SPRYD3: variants seen among roughly 807,000 people sequenced by gnomAD.
The protein encoded by SPRYD3 is SPRY domain-containing protein 3.
In SPRYD3, 17 loss-of-function variants were observed where a neutral mutation model predicts 50.1. That is an observed-to-expected ratio of 0.34 (90% CI 0.23 to 0.51). SPRYD3 has a LOEUF of 0.51. Among genes scored for constraint, SPRYD3 ranks in the 20% least tolerant of loss-of-function variants. The pLI is 0.97. For missense variants in SPRYD3, 401 were observed against 591.2 expected, an observed-to-expected ratio of 0.68 and a Z score of 3.34; for synonymous variants, 198 against 215.5, an observed-to-expected ratio of 0.92 and a Z score of 0.71.
intron 6 of SPRYD3, among the ~76,000 whole-genome samples, chr12:53,072,902 CA>C (rs574505064): frequency 3.0e-4 from 45 of 152,314 alleles, no homozygotes; most frequent in African/African-American, 9.4e-4. Context: ...ACCTGCCCCA[CA>C]ACACTTTGAA....
intron 6 of SPRYD3, 57 bp downstream of exon 6, chr12:53,073,229 G>A (rs1201503009): frequency 2.6e-6 from 3 of 1,136,742 alleles, no homozygotes; most frequent in Non-Finnish European, 3.8e-6. Flanking sequence ...GTGCCCACAG[G>A]TGTTCTGCCC....
chr12:53,077,332 G>A (rs138392611), intron 1 of SPRYD3, 71 bp from the exon 2 acceptor site: 1 of 1,547,160 alleles, frequency 6.5e-7, no homozygotes, highest in Admixed American at 1.8e-5. Flanking sequence ...CTGTGACCCA[G>A]AAGGTAGAGA....
At position 53,065,288 on chromosome 12, in the gene SPRYD3, C is replaced by T. The variant is rs1484638619; in HGVS notation, c.*544G>A. 1 of 152,932 alleles carries T rather than the reference C, an allele frequency of 6.5e-6. No individual in the cohort carries two copies. Among genetic ancestry groups the T allele is most frequent in the Non-Finnish European group, 1.5e-5 (1 of 68,322 alleles). The allele number at this position is 152,932 out of a possible 1,614,324, so 9.5% of individuals were successfully genotyped here. On this transcript the variant is annotated 3_prime_UTR_variant, in exon 11 of 11. Transcript: ENST00000301463. Reference sequence around the variant, plus strand: ...AAGATGGAGAGCCTAGAGGAGTCTTCCTGGGGCAGCAGCCAGTGAAAGGAC... The same window carrying T: ...AAGATGGAGAGCCTAGAGGAGTCTTTCTGGGGCAGCAGCCAGTGAAAGGAC...
At chr12:53,073,556 T>C in intron 5 of SPRYD3, 85 bp from the exon 6 acceptor site, 2 of 1,186,726 alleles carry the variant, frequency 1.7e-6, no homozygotes, top group Non-Finnish European at 2.3e-6. Context: ...TTTAAGATGA[T>C]GCAACCAGCC....
chr12:53,071,607 C>G (rs1944550043), intron 6 of SPRYD3, among the ~76,000 whole-genome samples: 1 of 151,808 alleles, frequency 6.6e-6, no homozygotes, highest in Non-Finnish European at 1.5e-5. Context: ...GGCAGTGGCT[C>G]ATGCCTCTAA....
At chr12:53,073,206 C>T in intron 6 of SPRYD3, 80 bp downstream of exon 6, 1 of 942,160 alleles carries the variant, frequency 1.1e-6, no homozygotes, top group Non-Finnish European at 1.6e-6. Context: ...CCCAGCAATT[C>T]AGACATGACC....
chr12:53,076,030 G>A (rs1365492272), intron 2 of SPRYD3, among the ~76,000 whole-genome samples: 1 of 152,210 alleles, frequency 6.6e-6, no homozygotes, highest in African/African-American at 2.4e-5. Context: ...TACCAGACCA[G>A]TGCAAGCCTG....
At chr12:53,075,561 A>G (rs1592266755) in intron 3 of SPRYD3, among the ~76,000 whole-genome samples, 175 bp downstream of exon 3, 1 of 152,050 alleles carries the variant, frequency 6.6e-6, no homozygotes, top group Non-Finnish European at 1.5e-5. Flanking sequence ...TTTCCAGGGC[A>G]CCTATCTCTC....
intron 6 of SPRYD3, among the ~76,000 whole-genome samples, chr12:53,071,238 C>G (rs1944547703): frequency 6.6e-6 from 1 of 152,292 alleles, no homozygotes; most frequent in South Asian, 2.1e-4. Context: ...GGGGAGGACC[C>G]CTGGGAGGGC....
In SPRYD3 at chr12:53,074,738, T is replaced by C. The variant is rs1183936655; in HGVS notation, c.418A>G (p.Asn140Asp). ...AKGRQFGSKC[N>D]SGDRIGCGIE... ...CCACAGCCAATCCGGTCCCCGGAGT[T>C]GCACTTTGACCCAAACTGGCGGCCC... Residue 140 changes from asparagine to aspartate, a missense_variant, in exon 5 of 11, where the codon AAC becomes GAC. Transcript: ENST00000301463. The surrounding 1 kb of genome is among the most constrained non-coding windows in gnomAD (Gnocchi z 4.6). 1 of 1,614,270 alleles carries C rather than the reference T, an allele frequency of 6.2e-7. No homozygotes were observed.
In SPRYD3 at chr12:53,075,194, C is replaced by T. The variant is rs199614009; in HGVS notation, c.272G>A (p.Arg91Gln). ...FEVSIVDSGV[R>Q]GTIAVGLVPQ... ...GACCAGCCCCACAGCAATGGTGCCC[C>T]GGACTCCACTGTCCACAATAGACAC... is the stretch of plus-strand genomic sequence containing the variant. The change falls in exon 4 of 11, where the codon CGG becomes CAG. Residue 91 changes from arginine (R) to glutamine (Q), a missense_variant. Arg to Gln is a conservative substitution (Grantham distance 43, BLOSUM62 1). Transcript: ENST00000301463. The T allele has an allele frequency of 9.3e-6, 15 of 1,612,930 alleles. No individual in the cohort carries two copies. Among genetic ancestry groups the T allele is most frequent in the African/African-American group, 2.7e-5 (2 of 74,852 alleles).
chr12:53,071,356 C>T (rs1040119937), intron 6 of SPRYD3, among the ~76,000 whole-genome samples: 2 of 152,196 alleles, frequency 1.3e-5, no homozygotes, highest in East Asian at 1.9e-4. Context: ...TCTAATCCCC[C>T]AGCTGTTACC....
intron 6 of SPRYD3, among the ~76,000 whole-genome samples, chr12:53,069,518 G>A (rs1358429431): frequency 6.6e-6 from 1 of 152,224 alleles, no homozygotes; most frequent in African/African-American, 2.4e-5. Context: ...AGAGCGGGGT[G>A]CTACTAACCC....
intron 1 of SPRYD3, chr12:53,078,187 A>AG: frequency 4.9e-6 from 2 of 411,320 alleles, no homozygotes; most frequent in South Asian, 1.7e-5. Context: ...TCAAAAAAAA[A>AG]AGAAAAAAAA....
chr12:53,065,548 A>C lies in SPRYD3; in HGVS notation c.*284T>G. 2.7e-6 allele frequency: 1 copy of C among 376,584 alleles called. No individual in the cohort carries two copies. Among genetic ancestry groups the C allele is most frequent in the Non-Finnish European group, 4.9e-6 (1 of 205,064 alleles). The allele number at this position is 376,584 out of a possible 1,614,324, so 23.3% of individuals were successfully genotyped here. ...CCGGTGAGGGAAAGGGGGACCCAGA[A>C]GCCCACTGACCAAAGCGAGTGGGAC... On this transcript the variant is annotated 3_prime_UTR_variant, in exon 11 of 11. Coordinates refer to ENST00000301463, the MANE Select transcript of SPRYD3 (RefSeq NM_032840.3).
At chr12:53,078,934 C>G (rs1232751013) in intron 1 of SPRYD3, among the ~76,000 whole-genome samples, 4 of 152,214 alleles carry the variant, frequency 2.6e-5, no homozygotes, top group Non-Finnish European at 1.5e-5. Flanking sequence ...GAGTAGGCAC[C>G]TGTGGGACAG....
chr12:53,073,259 C>CCCGGGGGG (rs2121204567), intron 6 of SPRYD3, 27 bp downstream of exon 6: 12 of 400,916 alleles, frequency 3.0e-5, no homozygotes, highest in East Asian at 7.7e-5. Context: ...CGACCCAGCC[C>CCCGGGGGG]CTCCCACCCT....
chr12:53,067,736 G>A (rs778077941), intron 7 of SPRYD3, 31 bp from the exon 8 acceptor site: 1 of 1,598,484 alleles, frequency 6.3e-7, no homozygotes, highest in Admixed American at 1.7e-5. Flanking sequence ...AAAATCTATG[G>A]TCCCATGCAT....
Position 53,066,439 on chromosome 12 carries a change from G to A in SPRYD3, c.1069C>T (p.Arg357Trp), listed in dbSNP as rs774654248. 2.1e-5 allele frequency: 34 copies of A among 1,613,944 alleles called. No individual in the cohort carries two copies. The highest frequency in any genetic ancestry group is 1.6e-4 in the Middle Eastern group (1 of 6,084). Residue 357 changes from arginine (R) to tryptophan (W), a missense_variant, in exon 10 of 11, where the codon CGG becomes TGG. Physicochemically the swap from Arg to Trp is moderately radical, Grantham distance 101 (BLOSUM62 -3). Transcript: ENST00000301463. ...ACATTCCGCACGTTCCGGACGGCCC[G>A]GGCAGTCGGAGACAGGATCACTGTG... ...CDTVILSPTA[R>W]AVRNVRNVMY... is the part of the protein sequence containing the mutation.
Sources: gnomAD v4.1 joint callset for allele counts (sites outside exome capture counted in the v4.1 genomes callset) on GRCh38, gnomAD v4.1.1 for gene constraint, Gnocchi (gnomAD v3.1) non-coding constraint, MANE v1.5 for transcripts, NCBI Gene and HGNC (gene_info 2026-07-23, HGNC 2026-07-21) for gene names.